The following POU2AF2 variants were observed in gnomAD, a reference collection of about 807,000 sequenced individuals.
The protein encoded by POU2AF2 is POU domain class 2-associating factor 2.
chr11:111,283,949 T>G, the POU2AF2 span: 2 of 811,780 alleles, frequency 2.5e-6, no homozygotes, highest in South Asian at 3.3e-5. Context: ...TTTCTCTATT[T>G]CCATGTTAGC....
chr11:111,248,482 G>A, the POU2AF2 span, among the ~76,000 whole-genome samples: 5 of 152,262 alleles, frequency 3.3e-5, no homozygotes, highest in East Asian at 5.8e-4. Context: ...CCAATGACCC[G>A]TTCTGGATTT....
chr11:111,285,736 C>T, the POU2AF2 span: 1 of 1,613,608 alleles, frequency 6.2e-7, no homozygotes, highest in Non-Finnish European at 8.5e-7. Context: ...CCTTGCCACC[C>T]AGCACGAGTT....
the POU2AF2 span, among the ~76,000 whole-genome samples, chr11:111,257,663 C>T: frequency 2.6e-5 from 4 of 152,176 alleles, no homozygotes; most frequent in Non-Finnish European, 4.4e-5. Flanking sequence ...CGTGACCCAC[C>T]GCGCCCAGCC....
the POU2AF2 span, among the ~76,000 whole-genome samples, chr11:111,264,560 GA>G: frequency 1.8e-5 from 1 of 56,218 alleles, no homozygotes; most frequent in African/African-American, 6.5e-5. Flanking sequence ...AAGAAAGAAA[GA>G]AAGAAAGAAA....
At chr11:111,266,098 A>T in the POU2AF2 span, among the ~76,000 whole-genome samples, 5 of 146,450 alleles carry the variant, frequency 3.4e-5, no homozygotes, top group Non-Finnish European at 6.0e-5. Flanking sequence ...CTGCCAATTT[A>T]AAAAAAAAAC....
chr11:111,251,392 G>A, the POU2AF2 span, among the ~76,000 whole-genome samples: 1 of 152,146 alleles, frequency 6.6e-6, no homozygotes, highest in African/African-American at 2.4e-5. Context: ...AGGAAGAATG[G>A]AGTTCATATT....
the POU2AF2 span, among the ~76,000 whole-genome samples, chr11:111,262,510 G>A: frequency 6.6e-6 from 1 of 152,198 alleles, no homozygotes; most frequent in African/African-American, 2.4e-5. Flanking sequence ...TTTGCATTTG[G>A]ATTTCTTGTG....
the POU2AF2 span, among the ~76,000 whole-genome samples, chr11:111,263,954 T>C: frequency 6.6e-6 from 1 of 152,232 alleles, no homozygotes; most frequent in Admixed American, 6.5e-5. Flanking sequence ...TGGTAGGTGC[T>C]CAATCAATGC....
the POU2AF2 span, among the ~76,000 whole-genome samples, chr11:111,255,427 A>G: frequency 6.6e-6 from 1 of 152,202 alleles, no homozygotes. Flanking sequence ...TTGAAGCAGT[A>G]ACTCCTCATG....
At chr11:111,269,356 A>C in the POU2AF2 span, among the ~76,000 whole-genome samples, 1 of 152,184 alleles carries the variant, frequency 6.6e-6, no homozygotes, top group African/African-American at 2.4e-5. Context: ...TAATTAGCCC[A>C]CTGTCCTGCC....
the POU2AF2 span, among the ~76,000 whole-genome samples, chr11:111,255,222 T>C: frequency 6.6e-6 from 1 of 152,224 alleles, no homozygotes; most frequent in African/African-American, 2.4e-5. Context: ...CCAGCTCTAT[T>C]GCTTATAAGT....
the POU2AF2 span, among the ~76,000 whole-genome samples, chr11:111,247,556 G>A: frequency 5.3e-5 from 8 of 152,150 alleles, no homozygotes; most frequent in Admixed American, 3.9e-4. Flanking sequence ...CGGAGGCTGA[G>A]GTGGGTGGAT....
chr11:111,261,950 T>A, the POU2AF2 span, among the ~76,000 whole-genome samples: 1 of 152,368 alleles, frequency 6.6e-6, no homozygotes, highest in South Asian at 2.1e-4. Context: ...GATTTTTACA[T>A]GCTCTACATA....
chr11:111,262,705 T>C, the POU2AF2 span, among the ~76,000 whole-genome samples: 1 of 152,292 alleles, frequency 6.6e-6, no homozygotes, highest in African/African-American at 2.4e-5. Context: ...TCCCTTCTCT[T>C]CTCTGAGCCT....
chr11:111,248,303 T>C, the POU2AF2 span, among the ~76,000 whole-genome samples: 1 of 152,158 alleles, frequency 6.6e-6, no homozygotes, highest in Non-Finnish European at 1.5e-5. Flanking sequence ...TTCTCAGTAA[T>C]GTGGACTGAG....
At chr11:111,246,325 A>T in the POU2AF2 span, among the ~76,000 whole-genome samples, 2 of 152,206 alleles carry the variant, frequency 1.3e-5, no homozygotes, top group East Asian at 3.8e-4. Flanking sequence ...GCTAAGAAGT[A>T]AGGTCATTCT....
chr11:111,247,020 CT>C, the POU2AF2 span, among the ~76,000 whole-genome samples: 3 of 151,910 alleles, frequency 2.0e-5, no homozygotes, highest in South Asian at 2.1e-4. Flanking sequence ...TATACTTGAC[CT>C]TTTTTTTCCC....
chr11:111,283,749 T>C, the POU2AF2 span, among the ~76,000 whole-genome samples: 1 of 152,166 alleles, frequency 6.6e-6, no homozygotes, highest in East Asian at 1.9e-4. Context: ...TTGGTTAAAA[T>C]ATGAATGCCA....
chr11:111,261,260 T>TACACACAC, the POU2AF2 span, among the ~76,000 whole-genome samples: 1 of 140,926 alleles, frequency 7.1e-6, no homozygotes, highest in African/African-American at 2.5e-5. Flanking sequence ...TAGTACCAAA[T>TACACACAC]ACACACACAC....
Sources: allele counts gnomAD v4.1 joint callset (sites outside exome capture counted in the v4.1 genomes callset), GRCh38; gene constraint gnomAD v4.1.1; transcripts MANE v1.5; gene names NCBI Gene and HGNC (gene_info 2026-07-23, HGNC 2026-07-21).